Variants in DPEP1 observed in about 807,000 individuals in gnomAD.
DPEP1 encodes beta-lactamase.
DPEP1 carries 50 observed loss-of-function variants against 42.3 expected under a neutral mutation model. The ratio of observed to expected loss-of-function variants is 1.18; its 90% CI spans 0.94 to 1.50. DPEP1 has a LOEUF of 1.50. Ranked by LOEUF, DPEP1 falls within the 40% of genes most tolerant of loss-of-function variation. DPEP1 has a pLI of 0.00. For missense variants in DPEP1, 663 were observed against 553.0 expected (o/e 1.20, Z -1.99); for synonymous variants, 297 against 234.0 (o/e 1.27, Z -2.46).
chr16:89,618,775 C>T (rs1445122986), intron 1 of DPEP1, among the ~76,000 whole-genome samples: 1 of 151,864 alleles, frequency 6.6e-6, no homozygotes, highest in Non-Finnish European at 1.5e-5. Context: ...GCACAATTCG[C>T]ATTTTGTAAC....
At chr16:89,630,154 C>G (rs1157352715) in intron 1 of DPEP1, 151 bp from the exon 2 acceptor site, 3 of 330,486 alleles carry the variant, frequency 9.1e-6, no homozygotes, top group Non-Finnish European at 1.1e-5. Context: ...CTAGCCCAGA[C>G]AGCAACGCCC....
chr16:89,616,769 CGG>C, intron 1 of DPEP1: 1 of 269,790 alleles, frequency 3.7e-6, no homozygotes. Flanking sequence ...GACCAGGAAG[CGG>C]CCAGGAAGCA....
At chr16:89,624,423 G>A (rs372916515) in intron 1 of DPEP1, among the ~76,000 whole-genome samples, 6 of 152,130 alleles carry the variant, frequency 3.9e-5, no homozygotes, top group African/African-American at 1.2e-4. Context: ...TGGACAAAAC[G>A]TGCAAAGTAA....
rs78872498 is a variant in DPEP1 at position 89,633,687 on chromosome 16, C to G, written c.105-2221C>G. On this transcript the variant is annotated intron_variant, in intron 2 of 10. Coordinates refer to ENST00000690203, the MANE Select transcript of DPEP1 (RefSeq NM_001389466.1). ...GAGGGAGCTGTCCTCAAGGAGAGCA[C>G]CAAAACACCCTCATGTTACAGATGG... 5.1e-4 allele frequency among the ~76,000 whole-genome samples: 74 copies of G among 146,022 alleles called. No homozygotes were observed. In the East Asian group the frequency reaches 0.035, roughly 69 times the overall value.
intron 2 of DPEP1, among the ~76,000 whole-genome samples, chr16:89,632,544 G>T (rs181532582): frequency 9.5e-4 from 145 of 152,340 alleles, no homozygotes; most frequent in African/African-American, 3.2e-3. Context: ...ACGAACAGCT[G>T]CCTGAGTGTG....
intron 2 of DPEP1, 90 bp from the exon 3 acceptor site, chr16:89,635,818 T>G: frequency 3.4e-6 from 5 of 1,462,888 alleles, no homozygotes; most frequent in Non-Finnish European, 4.5e-6. Context: ...GAGTAGGAAG[T>G]GGGGAGAGCA....
Position 89,635,918 on chromosome 16 carries a change from C to G in DPEP1, c.115C>G (p.Leu39Val), listed in dbSNP as rs914513383. Residue 39 changes from leucine to valine, a missense_variant, in exon 3 of 11, where the codon CTC (leucine) becomes GTC (valine). Physicochemically the swap from Leu to Val is conservative, Grantham distance 32 (BLOSUM62 1). Coordinates refer to ENST00000690203, the MANE Select transcript of DPEP1 (RefSeq NM_001389466.1). ...CCCGGCAAACTCCAGGCACAATGAC[C>G]TCCCCTGGCAGCTGCTGGATATGTT... ...DSPVIDGHND[L>V]PWQLLDMFNN... 6.2e-7 allele frequency: 1 copy of G among 1,603,316 alleles called. No homozygotes were observed. The highest frequency in any genetic ancestry group is 8.5e-7 in the Non-Finnish European group (1 of 1,175,188).
rs761353380 is a variant in DPEP1, at chr16:89,636,166, G to A, written c.238-98G>A. The A allele has an allele frequency of 1.5e-5, 23 of 1,550,688 alleles. No individual in the cohort carries two copies. In the Admixed American group the frequency reaches 2.1e-4, roughly 14 times the overall value. On this transcript the variant is annotated intron_variant, in intron 3 of 10. Coordinates refer to ENST00000690203, the MANE Select transcript of DPEP1 (RefSeq NM_001389466.1). ...GTCCCTCGGTGCCCAGGCCGAGGGA[G>A]GGCTTCCCAGCGGGTGGGAAACCAG...
chr16:89,628,632 C>T (rs2059547325), intron 1 of DPEP1, among the ~76,000 whole-genome samples: 1 of 151,978 alleles, frequency 6.6e-6, no homozygotes, highest in African/African-American at 2.4e-5. Flanking sequence ...TTAGTGGCAC[C>T]TGAGGGAGTG....
intron 1 of DPEP1, among the ~76,000 whole-genome samples, chr16:89,618,333 C>T (rs117109583): frequency 0.056 from 8,518 of 152,236 alleles, 326 homozygotes; most frequent in Non-Finnish European, 0.089. Flanking sequence ...CTTCCTGCCT[C>T]GGTCTGCTAT....
intron 4 of DPEP1, 67 bp downstream of exon 4, chr16:89,636,463 G>C (rs2059680376): frequency 1.1e-5 from 18 of 1,595,518 alleles, no homozygotes; most frequent in South Asian, 7.9e-5. Flanking sequence ...TGAGCAGCAG[G>C]TGCCGGTCAG....
chr16:89,637,257 G>A lies in DPEP1; in HGVS notation c.645G>A (p.Val215=), dbSNP rs1418952323. The A allele has an allele frequency of 6.2e-7, 1 of 1,612,742 alleles. No homozygotes were observed. The highest frequency in any genetic ancestry group is 8.5e-7 in the Non-Finnish European group (1 of 1,179,964). ...RLGVLIDLAH[V]SVATMKATLQ... ...GGGTCCTCATCGACTTGGCTCACGTGTCTGTGGCCACCATGAAGGCCACCC... is the reference window on the plus strand; with the variant it reads ...GGGTCCTCATCGACTTGGCTCACGTATCTGTGGCCACCATGAAGGCCACCC... The change falls in exon 7 of 11, where the codon GTG becomes GTA. Residue 215 remains valine (V), a synonymous_variant. Coordinates refer to ENST00000690203, the MANE Select transcript of DPEP1 (RefSeq NM_001389466.1).
At chr16:89,620,523 C>T (rs888212438) in intron 1 of DPEP1, 5 of 152,312 alleles carry the variant, frequency 3.3e-5, no homozygotes, top group African/African-American at 1.2e-4. Context: ...CAAGGCCTCA[C>T]TGAGGGCATG....
rs540562806 is a variant in DPEP1 at position 89,629,515 on chromosome 16, C to A, written c.-106-790C>A. Among the ~76,000 whole-genome samples the A allele has an allele frequency of 1.7e-4, 26 of 151,362 alleles. No individual in the cohort carries two copies. The South Asian group carries it at 5.1e-3, about 29-fold the overall frequency. On this transcript the variant is annotated intron_variant, in intron 1 of 10. Transcript: ENST00000690203. ...TCCCTGCCGGGCTCCCCCCACCCCCCCCCGAAGCCTCTGACCAGTTTTCCC... is the reference window on the plus strand; with the variant it reads ...TCCCTGCCGGGCTCCCCCCACCCCCACCCGAAGCCTCTGACCAGTTTTCCC...
chr16:89,640,116 G>A (rs907452761), downstream of DPEP1, among the ~76,000 whole-genome samples: 2 of 152,192 alleles, frequency 1.3e-5, no homozygotes, highest in Non-Finnish European at 2.9e-5. Context: ...GTCCTCCTAG[G>A]TGGAGCTTGG....
chr16:89,636,590 G>A lies in DPEP1; in HGVS notation c.428G>A (p.Gly143Asp). ...GCCAGCCTGATCGGCGTGGAGGGCGGCCACTCCATTGACAGCAGTTTGGGC... is the reference window on the plus strand; with the variant it reads ...GCCAGCCTGATCGGCGTGGAGGGCGACCACTCCATTGACAGCAGTTTGGGC... ...KVASLIGVEG[G>D]HSIDSSLGVL... Residue 143 changes from glycine to aspartate, a missense_variant, in exon 5 of 11, where the codon GGC (glycine) becomes GAC (aspartate). Coordinates refer to ENST00000690203, the MANE Select transcript of DPEP1 (RefSeq NM_001389466.1). 6.2e-7 allele frequency: 1 copy of A among 1,612,594 alleles called. No homozygotes were observed. Among genetic ancestry groups the A allele is most frequent in the Non-Finnish European group, 8.5e-7 (1 of 1,179,980 alleles).
rs1203372377 is a variant in DPEP1 at position 89,628,207 on chromosome 16, C to T, written c.-106-2098C>T. Reference sequence around the variant, plus strand: ...ACAGTGCTGGGATTACAGGCGTGAGCCACCACACCCGGCCACAAAAGGTAT... The same window carrying T: ...ACAGTGCTGGGATTACAGGCGTGAGTCACCACACCCGGCCACAAAAGGTAT... On this transcript the variant is annotated intron_variant, in intron 1 of 10. Coordinates refer to ENST00000690203, the MANE Select transcript of DPEP1 (RefSeq NM_001389466.1). 2.6e-5 allele frequency among the ~76,000 whole-genome samples: 4 copies of T among 151,660 alleles called. No individual in the cohort carries two copies. In the East Asian group the frequency reaches 5.8e-4, roughly 22 times the overall value.
At chr16:89,613,890 C>T (rs1452216950) in intron 1 of DPEP1, among the ~76,000 whole-genome samples, 171 bp downstream of exon 1, 4 of 150,808 alleles carry the variant, frequency 2.7e-5, no homozygotes, top group African/African-American at 9.8e-5. Flanking sequence ...GTGTGTGCGG[C>T]AGGGGACGGG....
intron 1 of DPEP1, among the ~76,000 whole-genome samples, chr16:89,627,130 G>A (rs978214985): frequency 7.9e-5 from 12 of 151,986 alleles, no homozygotes; most frequent in Admixed American, 2.6e-4. Flanking sequence ...AAAATTAGCC[G>A]GGCGTGGTGG....
Sources: allele counts gnomAD v4.1 joint callset (sites outside exome capture counted in the v4.1 genomes callset), GRCh38; gene constraint gnomAD v4.1.1; transcripts MANE v1.5; gene names NCBI Gene and HGNC (gene_info 2026-07-23, HGNC 2026-07-21).